Variants in TOR1AIP2 observed in about 807,000 individuals in gnomAD.
TOR1AIP2 encodes torsin 1A interacting protein 2, also known as torsin-1A-interacting protein 2.
TOR1AIP2 carries 20 observed loss-of-function variants against 32.6 expected under a neutral mutation model. The observed-to-expected ratio is 0.61, with a 90% CI of 0.43 to 0.89. The LOEUF is 0.89. TOR1AIP2 is among the 40% of genes least tolerant of loss of function. The pLI is 0.00. For missense variants in TOR1AIP2, 456 were observed against 553.8 expected (o/e 0.82, Z 1.77); for synonymous variants, 214 against 210.8 (o/e 1.02, Z -0.13).
intron 3 of TOR1AIP2, among the ~76,000 whole-genome samples, chr1:179,855,654 A>G (rs1389520124): frequency 1.3e-5 from 2 of 152,192 alleles, no homozygotes; most frequent in African/African-American, 2.4e-5. Flanking sequence ...AAATTAAGGC[A>G]CACACTCTAC....
At chr1:179,862,551 A>C in intron 3 of TOR1AIP2, 3 of 985,474 alleles carry the variant, frequency 3.0e-6, no homozygotes, top group Non-Finnish European at 2.4e-6. Context: ...CATACAGACT[A>C]ACAAATAACT....
In TOR1AIP2 at chr1:179,842,786, T is replaced by G. The variant is rs973882584; in HGVS notation, c.*3285A>C. The G allele has an allele frequency of 1.3e-5, 2 of 152,258 alleles. No individual in the cohort carries two copies. The highest frequency in any genetic ancestry group is 6.5e-5 in the Admixed American group (1 of 15,286). The allele number at this position is 152,258 out of a possible 1,614,324, so 9.4% of individuals were successfully genotyped here. On this transcript the variant is annotated 3_prime_UTR_variant, in exon 7 of 7. Transcript: ENST00000609928. ...TAGGCCGGGTGCGGTGGCTCACGCC[T>G]GTAATCCCAGCACTTTGGGAGGCCA...
At chr1:179,864,472 G>C in intron 3 of TOR1AIP2, 5 of 1,083,402 alleles carry the variant, frequency 4.6e-6, no homozygotes, top group Non-Finnish European at 5.6e-6. Flanking sequence ...TTTGTCATAT[G>C]ACACTCATTA....
chr1:179,864,854 A>C, intron 3 of TOR1AIP2: 1 of 1,614,020 alleles, frequency 6.2e-7, no homozygotes, highest in Middle Eastern at 1.6e-4. Flanking sequence ...TGCAGGGTTA[A>C]AACCAGCTAC....
rs538505662 is a variant in TOR1AIP2 at position 179,861,851 on chromosome 1, T to C, written c.-147+3585A>G. The C allele has an allele frequency of 3.1e-6, 3 of 954,252 alleles. No individual in the cohort carries two copies. In the East Asian group the frequency reaches 3.5e-4, roughly 110 times the overall value. The allele number at this position is 954,252 out of a possible 1,614,324, so 59.1% of individuals were successfully genotyped here. Reference sequence around the variant, plus strand: ...CATCAGAATCTCCAAAGGTACTATTTATATCTTTTATGTTGTTTTTTTTTC... The same window carrying C: ...CATCAGAATCTCCAAAGGTACTATTCATATCTTTTATGTTGTTTTTTTTTC... On this transcript the variant is annotated intron_variant, in intron 3 of 6. Coordinates refer to ENST00000609928, the MANE Select transcript of TOR1AIP2 (RefSeq NM_001199260.2).
intron 3 of TOR1AIP2, chr1:179,861,255 C>T (rs185642365): frequency 2.0e-6 from 2 of 985,162 alleles, no homozygotes; most frequent in African/African-American, 3.5e-5. Flanking sequence ...ATTTTACCAA[C>T]ACAGCATTTA....
At chr1:179,875,809 C>T (rs1457967489) in intron 2 of TOR1AIP2, 4 of 152,228 alleles carry the variant, frequency 2.6e-5, no homozygotes, top group East Asian at 3.9e-4. Flanking sequence ...CCAGCTATGA[C>T]TCCAGTCTAT....
rs1696746856 is a variant in TOR1AIP2, at chr1:179,865,779, G to A, written c.-490C>T. ...GATCCAATGAAGTCTGTCTTGGGAG[G>A]ACATTAATCAGGACCCAATTGCTGT... On this transcript the variant is annotated 5_prime_UTR_variant, in exon 3 of 7. Coordinates refer to ENST00000609928, the MANE Select transcript of TOR1AIP2 (RefSeq NM_001199260.2). 1 of 152,726 alleles carries A rather than the reference G, an allele frequency of 6.5e-6. No individual in the cohort carries two copies. The highest frequency in any genetic ancestry group is 2.4e-5 in the African/African-American group (1 of 41,436). The allele number at this position is 152,726 out of a possible 1,614,324, so 9.5% of individuals were successfully genotyped here.
intron 1 of TOR1AIP2, 135 bp from the exon 2 acceptor site, chr1:179,877,508 C>T (rs1433432459): frequency 6.7e-6 from 1 of 150,310 alleles, no homozygotes; most frequent in Non-Finnish European, 1.5e-5. Flanking sequence ...GATCACGCCA[C>T]TGTACTCTAG....
At chr1:179,877,126 CG>C (rs1647388147) in intron 2 of TOR1AIP2, 112 bp downstream of exon 2, 1 of 151,984 alleles carries the variant, frequency 6.6e-6, no homozygotes, top group African/African-American at 2.4e-5. Context: ...TAAAATAATT[CG>C]GCTTCTCACC....
intron 3 of TOR1AIP2, chr1:179,861,617 AG>A: frequency 3.0e-6 from 3 of 985,464 alleles, no homozygotes; most frequent in Non-Finnish European, 3.6e-6. Flanking sequence ...TTAATTAATG[AG>A]AAAAATGTGG....
At position 179,846,334 on chromosome 1, in the gene TOR1AIP2, G is replaced by T; in HGVS notation, c.1150C>A (p.His384Asn). 6.2e-7 allele frequency: 1 copy of T among 1,614,206 alleles called. No individual in the cohort carries two copies. Among genetic ancestry groups the T allele is most frequent in the Non-Finnish European group, 8.5e-7 (1 of 1,180,042 alleles). The stretch of plus-strand genomic sequence containing the variant: ...ACATCTTTAAAGGCAGCATTCTCAT[G>T]ATCACAATACTTATAGAAGATCAAA... ...STLIFYKYCD[H>N]ENAAFKDVAL... Residue 384 changes from histidine to asparagine, a missense_variant, in exon 7 of 7, where the codon CAT becomes AAT. Coordinates refer to ENST00000609928, the MANE Select transcript of TOR1AIP2 (RefSeq NM_001199260.2).
At position 179,840,668 on chromosome 1, in the gene TOR1AIP2, C is replaced by G. The variant is rs1695691058; in HGVS notation, c.*5403G>C. On this transcript the variant is annotated 3_prime_UTR_variant, in exon 7 of 7. Transcript: ENST00000609928. ...CACAGTTTACCAAACATCGCATGTT[C>G]TCACTCATAGGTGGGAATTGAACAA... 6.7e-6 allele frequency: 1 copy of G among 150,360 alleles called. No individual in the cohort carries two copies. Among genetic ancestry groups the G allele is most frequent in the Admixed American group, 6.7e-5 (1 of 15,000 alleles). The allele number at this position is 150,360 out of a possible 1,614,324, so 9.3% of individuals were successfully genotyped here. A position where few individuals can be genotyped will look rare whatever the true frequency, so the allele number is the denominator to read the frequency against.
intron 2 of TOR1AIP2, chr1:179,876,044 G>A (rs1571709872): frequency 6.6e-6 from 1 of 152,096 alleles, no homozygotes; most frequent in South Asian, 2.1e-4. Flanking sequence ...TTTGGAAGTT[G>A]TCGAATCTCC....
chr1:179,862,516 G>A, intron 3 of TOR1AIP2: 1 of 985,426 alleles, frequency 1.0e-6, no homozygotes, highest in Non-Finnish European at 1.2e-6. Flanking sequence ...GGCAGATACA[G>A]GGTGCATCTC....
In TOR1AIP2 at chr1:179,876,840, G is replaced by C. The variant is rs74376880; in HGVS notation, c.-566+399C>G. On this transcript the variant is annotated intron_variant, in intron 2 of 6. Coordinates refer to ENST00000609928, the MANE Select transcript of TOR1AIP2 (RefSeq NM_001199260.2). ...AATTAAGCATTACTCATAAAGTAGA[G>C]AGTACTATGAAATTTGTTAAAAGAA... Among the ~76,000 whole-genome samples the C allele has an allele frequency of 9.6e-3, 1,466 of 152,242 alleles. 24 individuals carry two copies. The highest frequency in any genetic ancestry group is 0.032 in the African/African-American group (1,322 of 41,524).
chr1:179,873,166 A>C (rs1697074532), intron 2 of TOR1AIP2, among the ~76,000 whole-genome samples: 1 of 152,150 alleles, frequency 6.6e-6, no homozygotes, highest in Non-Finnish European at 1.5e-5. Flanking sequence ...TTTGAAGAAT[A>C]CTGGTCAGTT....
intron 3 of TOR1AIP2, 30 bp from the exon 4 acceptor site, chr1:179,852,841 C>A (rs970679413): frequency 2.9e-6 from 4 of 1,362,802 alleles, no homozygotes; most frequent in Non-Finnish European, 3.8e-6. Flanking sequence ...AATTAAATGA[C>A]TTTTTATCCA....
intron 3 of TOR1AIP2, chr1:179,862,653 G>A: frequency 1.0e-6 from 1 of 985,376 alleles, no homozygotes; most frequent in African/African-American, 1.7e-5. Flanking sequence ...CCCTGGTCAG[G>A]CACGGTGGCT....
Sources: gnomAD v4.1 joint callset for allele counts (sites outside exome capture counted in the v4.1 genomes callset) on GRCh38, gnomAD v4.1.1 for gene constraint, MANE v1.5 for transcripts, NCBI Gene and HGNC (gene_info 2026-07-23, HGNC 2026-07-21) for gene names.